FTCDNL1: variants seen among roughly 807,000 people sequenced by gnomAD.
FTCDNL1 encodes the protein formiminotransferase N-terminal subdomain-containing protein.
Under a neutral mutation model 5.9 loss-of-function variants are expected in FTCDNL1, and 11 were observed. The ratio of observed to expected loss-of-function variants is 1.87; its 90% CI spans 1.18 to 3.10. The LOEUF is 3.10. Ranked by LOEUF, FTCDNL1 falls within the 30% of genes most tolerant of loss-of-function variation. The pLI is 0.00. For missense variants in FTCDNL1, 115 were observed against 65.5 expected (o/e 1.76, Z -2.61); for synonymous variants, 58 against 24.8 (o/e 2.34, Z -3.99).
At chr2:199,683,927 T>C in the FTCDNL1 span, among the ~76,000 whole-genome samples, 1,691 of 152,340 alleles carry the variant, frequency 0.011, 34 homozygotes, top group African/African-American at 0.038. Flanking sequence ...TGTGCATTCA[T>C]TAATCGGCTG....
the FTCDNL1 span, among the ~76,000 whole-genome samples, chr2:199,691,668 A>G: frequency 2.0e-5 from 3 of 152,210 alleles, no homozygotes; most frequent in Non-Finnish European, 4.4e-5. Flanking sequence ...GCACTTACAA[A>G]ACTGTTGTAT....
At chr2:199,729,101 G>A in the FTCDNL1 span, among the ~76,000 whole-genome samples, 12 of 152,310 alleles carry the variant, frequency 7.9e-5, no homozygotes, top group Admixed American at 2.6e-4. Context: ...GCTACTCTGC[G>A]ATGAGATGAC....
chr2:199,842,838 G>C (rs975471666), intron 3 of FTCDNL1, among the ~76,000 whole-genome samples: 1 of 151,718 alleles, frequency 6.6e-6, no homozygotes, highest in Non-Finnish European at 1.5e-5. Context: ...CTCTGGGAAA[G>C]CCTTATTCTA....
chr2:199,834,925 G>C (rs1284521041), intron 3 of FTCDNL1, among the ~76,000 whole-genome samples: 1 of 152,138 alleles, frequency 6.6e-6, no homozygotes, highest in African/African-American at 2.4e-5. Flanking sequence ...TATAATCCCA[G>C]AGCTTTAGGA....
chr2:199,762,600 G>C (rs1394008106), intron 3 of FTCDNL1, among the ~76,000 whole-genome samples: 1 of 152,036 alleles, frequency 6.6e-6, no homozygotes, highest in Non-Finnish European at 1.5e-5. Flanking sequence ...TAGCACAAAT[G>C]GATATTTAAC....
At chr2:199,823,734 T>C (rs150220845) in intron 3 of FTCDNL1, among the ~76,000 whole-genome samples, 1 of 152,246 alleles carries the variant, frequency 6.6e-6, no homozygotes, top group Non-Finnish European at 1.5e-5. Context: ...GTTGCATTTA[T>C]AGAGCACAGA....
downstream of FTCDNL1, among the ~76,000 whole-genome samples, chr2:199,759,346 T>C (rs1698182629): frequency 6.6e-6 from 1 of 151,846 alleles, no homozygotes; most frequent in South Asian, 2.1e-4. Context: ...TGTGAAAACA[T>C]TTGTCTTCCT....
chr2:199,772,120 A>C (rs1698842964), intron 3 of FTCDNL1, among the ~76,000 whole-genome samples: 1 of 152,194 alleles, frequency 6.6e-6, no homozygotes, highest in Non-Finnish European at 1.5e-5. Context: ...TCTGATAACC[A>C]AGGTGTCTTC....
At chr2:199,821,298 T>G (rs1293747542) in intron 3 of FTCDNL1, among the ~76,000 whole-genome samples, 1 of 149,546 alleles carries the variant, frequency 6.7e-6, no homozygotes, top group Non-Finnish European at 1.5e-5. Context: ...TACAGGCACG[T>G]GCCACCAAGC....
the FTCDNL1 span, among the ~76,000 whole-genome samples, chr2:199,710,656 C>T: frequency 6.6e-6 from 1 of 152,128 alleles, no homozygotes; most frequent in African/African-American, 2.4e-5. Context: ...GGTTTTAGTT[C>T]TAACTCCTTC....
chr2:199,720,358 T>C, the FTCDNL1 span, among the ~76,000 whole-genome samples: 1 of 152,222 alleles, frequency 6.6e-6, no homozygotes, highest in Non-Finnish European at 1.5e-5. Context: ...CAGATTAATA[T>C]TAACTTGGAT....
the FTCDNL1 span, among the ~76,000 whole-genome samples, chr2:199,691,266 G>A: frequency 2.0e-5 from 3 of 152,108 alleles, no homozygotes; most frequent in African/African-American, 4.8e-5. Context: ...TCCGCCTCCC[G>A]GGTTCAAGTG....
chr2:199,743,203 C>G, the FTCDNL1 span, among the ~76,000 whole-genome samples: 1 of 152,144 alleles, frequency 6.6e-6, no homozygotes, highest in African/African-American at 2.4e-5. Flanking sequence ...GTAGTCTCCT[C>G]TCTACAGATG....
At chr2:199,668,310 G>T in the FTCDNL1 span, among the ~76,000 whole-genome samples, 1 of 152,108 alleles carries the variant, frequency 6.6e-6, no homozygotes, top group Non-Finnish European at 1.5e-5. Flanking sequence ...TAAATAGGAG[G>T]GAGTACATGA....
downstream of FTCDNL1, among the ~76,000 whole-genome samples, chr2:199,807,726 A>T (rs552409459): frequency 1.8e-3 from 267 of 152,340 alleles, 1 homozygote; most frequent in African/African-American, 5.7e-3. Context: ...AATCAACTTT[A>T]TTTTAAACCA....
intron 3 of FTCDNL1, among the ~76,000 whole-genome samples, chr2:199,780,716 C>T (rs1284196355): frequency 6.6e-6 from 1 of 152,160 alleles, no homozygotes; most frequent in African/African-American, 2.4e-5. Flanking sequence ...GGCTGCTGCA[C>T]TTGTCTATTT....
At chr2:199,672,278 G>C in the FTCDNL1 span, among the ~76,000 whole-genome samples, 1 of 152,170 alleles carries the variant, frequency 6.6e-6, no homozygotes, top group Non-Finnish European at 1.5e-5. Flanking sequence ...ACTGACATGA[G>C]AGGGTCTTTG....
intron 3 of FTCDNL1, among the ~76,000 whole-genome samples, chr2:199,830,350 G>A (rs1475177157): frequency 1.3e-5 from 2 of 152,184 alleles, no homozygotes; most frequent in Non-Finnish European, 2.9e-5. Context: ...GTATAGCAGT[G>A]TGATGCTGCA....
In FTCDNL1 at chr2:199,810,399, G is replaced by C. The variant is rs749675925; in HGVS notation, c.*2306C>G. Reference sequence around the variant, plus strand: ...GGACTCACGTGTTTTGTGATGATGTGAGTTTGGCAGGGTTTGGAGCCAAAC... The same window carrying C: ...GGACTCACGTGTTTTGTGATGATGTCAGTTTGGCAGGGTTTGGAGCCAAAC... On this transcript the variant is annotated 3_prime_UTR_variant, in exon 5 of 5. Coordinates refer to ENST00000420128, the MANE Select transcript of FTCDNL1 (RefSeq NM_001363886.2). Among the ~76,000 whole-genome samples, 3 of 152,220 alleles carry C rather than the reference G, an allele frequency of 2.0e-5. No homozygotes were observed. Among genetic ancestry groups the C allele is most frequent in the Admixed American group, 6.5e-5 (1 of 15,284 alleles).
Sources: allele counts gnomAD v4.1 joint callset (sites outside exome capture counted in the v4.1 genomes callset), GRCh38; gene constraint gnomAD v4.1.1; transcripts MANE v1.5; gene names NCBI Gene and HGNC (gene_info 2026-07-23, HGNC 2026-07-21).